The following SEC63 variants were observed in gnomAD, a reference collection of about 807,000 sequenced individuals.
SEC63 encodes the protein SEC63 protein translocation regulator.
In SEC63, 56 loss-of-function variants were observed where a neutral mutation model predicts 116.2. The ratio of observed to expected loss-of-function variants is 0.48; its 90% confidence interval spans 0.39 to 0.60. The LOEUF is 0.60. Ranked by LOEUF, SEC63 falls within the 20% of genes least tolerant of loss-of-function variation. The pLI is 0.00. For synonymous variants in SEC63, 273 were observed against 294.6 expected, an observed-to-expected ratio of 0.93 and a Z score of 0.75; for missense variants, 668 against 900.0, an observed-to-expected ratio of 0.74 and a Z score of 3.30.
chr6:107,952,346 T>C (rs900357269), intron 1 of SEC63, among the ~76,000 whole-genome samples: 3 of 152,218 alleles, frequency 2.0e-5, no homozygotes, highest in Non-Finnish European at 4.4e-5. Flanking sequence ...CTATGCTTTC[T>C]GGTGTATTCA....
At chr6:107,896,055 A>G (rs914275087) in intron 14 of SEC63, among the ~76,000 whole-genome samples, 4 of 151,996 alleles carry the variant, frequency 2.6e-5, no homozygotes, top group Non-Finnish European at 5.9e-5. Flanking sequence ...GGTCCCAGCT[A>G]CTCAGGAGGC....
chr6:107,893,331 C>T, intron 16 of SEC63, 151 bp downstream of exon 16: 1 of 690,450 alleles, frequency 1.4e-6, no homozygotes, highest in Non-Finnish European at 2.5e-6. Context: ...GGATGAAGGG[C>T]TCACTGACTG....
rs532172098 is a variant in SEC63 at position 107,947,541 on chromosome 6, C to T, written c.124+10345G>A. 7.9e-5 allele frequency among the ~76,000 whole-genome samples: 12 copies of T among 152,170 alleles called. No individual in the cohort carries two copies. The South Asian group carries it at 1.2e-3, about 16-fold the overall frequency. The stretch of plus-strand genomic sequence containing the variant: ...GGAGCAGTGATGGTGCCACTGCACT[C>T]CAACCTGGGTAACAACATGAGATCC... On this transcript the variant is annotated intron_variant, in intron 1 of 20. Transcript: ENST00000369002.
At chr6:107,893,223 A>T (rs760893515) in intron 16 of SEC63, among the ~76,000 whole-genome samples, 5 of 152,070 alleles carry the variant, frequency 3.3e-5, no homozygotes, top group Non-Finnish European at 5.9e-5. Flanking sequence ...GAAAGGAGCC[A>T]TACATAAAAT....
intron 1 of SEC63, among the ~76,000 whole-genome samples, chr6:107,955,652 G>A (rs772458243): frequency 1.3e-5 from 2 of 152,032 alleles, no homozygotes; most frequent in Non-Finnish European, 2.9e-5. Context: ...TTGGGAGCCC[G>A]AGGAGGGCAG....
chr6:107,911,115 G>T, intron 7 of SEC63: 1 of 528,436 alleles, frequency 1.9e-6, no homozygotes, highest in Non-Finnish European at 3.4e-6. Context: ...TTTTTCAGTT[G>T]GGGTCTCACT....
At chr6:107,914,104 CCT>C (rs1366423904) in intron 4 of SEC63, among the ~76,000 whole-genome samples, 1 of 152,066 alleles carries the variant, frequency 6.6e-6, no homozygotes, top group Non-Finnish European at 1.5e-5. Context: ...AAATGTAACC[CCT>C]GACTTTGACA....
intron 2 of SEC63, among the ~76,000 whole-genome samples, chr6:107,927,002 G>A (rs1787690801): frequency 1.3e-5 from 2 of 152,216 alleles, no homozygotes; most frequent in Non-Finnish European, 2.9e-5. Context: ...AACCTGTTTG[G>A]TTCCTCTGAA....
At chr6:107,883,972 G>A (rs566342286) in intron 16 of SEC63, among the ~76,000 whole-genome samples, 10 of 151,986 alleles carry the variant, frequency 6.6e-5, no homozygotes, top group South Asian at 2.1e-4. Flanking sequence ...AGAAACAGGC[G>A]GGACGCAGTG....
intron 6 of SEC63, 31 bp from the exon 7 acceptor site, chr6:107,911,427 T>C (rs756909886): frequency 6.9e-7 from 1 of 1,453,798 alleles, no homozygotes; most frequent in Non-Finnish European, 9.7e-7. Flanking sequence ...AATTATGGCC[T>C]TCGTCAGGTA....
intron 6 of SEC63, among the ~76,000 whole-genome samples, chr6:107,911,994 C>A (rs1038793706): frequency 6.6e-6 from 1 of 152,200 alleles, no homozygotes; most frequent in African/African-American, 2.4e-5. Context: ...TTCCTACTAA[C>A]CAGAAGCATG....
intron 1 of SEC63, among the ~76,000 whole-genome samples, chr6:107,957,019 T>C (rs777999953): frequency 5.3e-5 from 8 of 152,228 alleles, no homozygotes; most frequent in Non-Finnish European, 1.2e-4. Context: ...GCTTTAAGAA[T>C]ACCATCTGCC....
intron 10 of SEC63, among the ~76,000 whole-genome samples, chr6:107,905,336 CTCCTTCAT>C (rs1186388660): frequency 1.3e-5 from 2 of 152,180 alleles, no homozygotes; most frequent in Non-Finnish European, 2.9e-5. Flanking sequence ...CTAAATAGTG[CTCCTTCAT>C]TCCACCATAA....
At chr6:107,926,609 A>C (rs1314285662) in intron 2 of SEC63, among the ~76,000 whole-genome samples, 2 of 152,176 alleles carry the variant, frequency 1.3e-5, no homozygotes, top group African/African-American at 2.4e-5. Context: ...TGCTAAAAAC[A>C]AAACAAAACA....
At chr6:107,912,575 A>T (rs1162649657) in intron 6 of SEC63, 141 bp downstream of exon 6, 2 of 687,006 alleles carry the variant, frequency 2.9e-6, no homozygotes, top group Non-Finnish European at 5.3e-6. Flanking sequence ...ATAGAGCAAG[A>T]CTCTGTCTCA....
intron 1 of SEC63, among the ~76,000 whole-genome samples, chr6:107,956,941 T>C (rs1770723636): frequency 6.6e-6 from 1 of 152,224 alleles, no homozygotes; most frequent in Admixed American, 6.5e-5. Context: ...AAGTTGTTAA[T>C]ACTCAAAACC....
At chr6:107,950,427 C>A (rs1483154332) in intron 1 of SEC63, among the ~76,000 whole-genome samples, 3 of 152,120 alleles carry the variant, frequency 2.0e-5, no homozygotes, top group African/African-American at 7.2e-5. Context: ...CTAGATCTAA[C>A]AGACATATAC....
At chr6:107,878,645 C>G (rs542617853) in intron 18 of SEC63, among the ~76,000 whole-genome samples, 1 of 152,126 alleles carries the variant, frequency 6.6e-6, no homozygotes, top group South Asian at 2.1e-4. Context: ...CACTTGAAGT[C>G]GGGAGTTTAA....
chr6:107,877,766 TTGC>T (rs1786315727), intron 18 of SEC63, among the ~76,000 whole-genome samples: 2 of 152,180 alleles, frequency 1.3e-5, no homozygotes, highest in African/African-American at 4.8e-5. Context: ...TAAACTAAAA[TTGC>T]TGCTAAAATT....
Sources: allele counts gnomAD v4.1 joint callset (sites outside exome capture counted in the v4.1 genomes callset), GRCh38; gene constraint gnomAD v4.1.1; transcripts MANE v1.5; gene names NCBI Gene and HGNC (gene_info 2026-07-23, HGNC 2026-07-21).